The following GALNT13 variants were observed in gnomAD, a reference collection of about 807,000 sequenced individuals.
The protein encoded by GALNT13 is polypeptide N-acetylgalactosaminyltransferase 13.
In GALNT13, 28 loss-of-function variants were observed where a neutral mutation model predicts 64.2. The ratio of observed to expected loss-of-function variants is 0.44; its 90% CI spans 0.32 to 0.60. GALNT13 has a LOEUF of 0.60. Ranked by LOEUF, GALNT13 falls within the 20% of genes least tolerant of loss-of-function variation. The pLI is 0.05. For synonymous variants in GALNT13, 214 were observed against 224.6 expected (o/e 0.95, Z 0.42); for missense variants, 577 against 669.8 (o/e 0.86, Z 1.53).
intron 8 of GALNT13, among the ~76,000 whole-genome samples, chr2:154,271,298 T>G (rs1370087511): frequency 6.6e-6 from 1 of 152,018 alleles, no homozygotes; most frequent in East Asian, 1.9e-4. Context: ...TGGCCATTAC[T>G]GGCTGCAATG....
At chr2:154,205,116 T>C (rs772025390) in intron 4 of GALNT13, among the ~76,000 whole-genome samples, 8 of 152,140 alleles carry the variant, frequency 5.3e-5, no homozygotes, top group Non-Finnish European at 1.2e-4. Context: ...TTCATCTGAG[T>C]GTTCCCTTGA....
chr2:153,157,511 C>T, the GALNT13 span, among the ~76,000 whole-genome samples: 20 of 151,992 alleles, frequency 1.3e-4, no homozygotes, highest in Admixed American at 2.0e-4. Context: ...TCAAGCTAAA[C>T]GTTACACAGC....
intron 3 of GALNT13, among the ~76,000 whole-genome samples, chr2:154,008,490 G>T (rs1010174489): frequency 6.6e-6 from 1 of 152,020 alleles, no homozygotes; most frequent in Non-Finnish European, 1.5e-5. Context: ...TAGGTAAATT[G>T]TGTGTTATGG....
At chr2:153,631,400 T>A in the GALNT13 span, among the ~76,000 whole-genome samples, 3 of 152,214 alleles carry the variant, frequency 2.0e-5, no homozygotes, top group Non-Finnish European at 2.9e-5. Context: ...TCCTCCACAA[T>A]GGTTGAACTA....
chr2:153,717,336 A>G, the GALNT13 span, among the ~76,000 whole-genome samples: 1 of 152,186 alleles, frequency 6.6e-6, no homozygotes, highest in African/African-American at 2.4e-5. Flanking sequence ...TTTTTAGACA[A>G]TAAGTGAAGC....
intron 2 of GALNT13, among the ~76,000 whole-genome samples, chr2:153,921,885 T>C (rs1019715610): frequency 6.6e-6 from 1 of 151,962 alleles, no homozygotes; most frequent in East Asian, 1.9e-4. Context: ...GAAAAAAGAC[T>C]ATGGATGGCA....
chr2:153,235,872 C>G, the GALNT13 span, among the ~76,000 whole-genome samples: 1 of 152,128 alleles, frequency 6.6e-6, no homozygotes, highest in Non-Finnish European at 1.5e-5. Context: ...AATGATTAAA[C>G]TTAATGAAAA....
chr2:153,868,691 C>T (rs1574006390), upstream of GALNT13, among the ~76,000 whole-genome samples: 1 of 152,178 alleles, frequency 6.6e-6, no homozygotes, highest in East Asian at 1.9e-4. Context: ...ATATCCCTGT[C>T]TTTTGTATAC....
the GALNT13 span, among the ~76,000 whole-genome samples, chr2:153,368,987 A>G: frequency 9.9e-5 from 15 of 152,118 alleles, no homozygotes; most frequent in African/African-American, 3.6e-4. Context: ...TTGGGCCATA[A>G]CAGAATTAAA....
chr2:154,135,983 A>G (rs773206978), intron 3 of GALNT13, among the ~76,000 whole-genome samples: 10 of 152,162 alleles, frequency 6.6e-5, no homozygotes, highest in Non-Finnish European at 1.2e-4. Context: ...TGGTTTTCTT[A>G]TCTTCTGAGT....
chr2:154,285,616 A>G (rs1304260493), intron 8 of GALNT13, among the ~76,000 whole-genome samples: 2 of 152,028 alleles, frequency 1.3e-5, no homozygotes, highest in Non-Finnish European at 2.9e-5. Flanking sequence ...TTGATTTATA[A>G]TAGCTTTATA....
the GALNT13 span, among the ~76,000 whole-genome samples, chr2:153,757,757 A>G: frequency 2.6e-5 from 4 of 152,190 alleles, no homozygotes; most frequent in South Asian, 4.1e-4. Context: ...TTTTAAATGT[A>G]TCTGTCGGCC....
the GALNT13 span, among the ~76,000 whole-genome samples, chr2:153,533,432 A>G: frequency 6.6e-6 from 1 of 151,930 alleles, no homozygotes; most frequent in African/African-American, 2.4e-5. Context: ...TTGTATTTTT[A>G]GTAGAGACAG....
intron 11 of GALNT13, among the ~76,000 whole-genome samples, chr2:154,428,761 T>C (rs1481578504): frequency 1.3e-5 from 2 of 151,712 alleles, no homozygotes; most frequent in Non-Finnish European, 2.9e-5. Flanking sequence ...TCTGTTGTGA[T>C]GATCTATGAT....
At chr2:153,561,203 A>G in the GALNT13 span, among the ~76,000 whole-genome samples, 3 of 151,490 alleles carry the variant, frequency 2.0e-5, no homozygotes, top group Non-Finnish European at 4.4e-5. Flanking sequence ...CAGTTATAAT[A>G]TCTCTGCATA....
At chr2:153,613,244 T>C in the GALNT13 span, among the ~76,000 whole-genome samples, 3 of 152,160 alleles carry the variant, frequency 2.0e-5, no homozygotes, top group Non-Finnish European at 2.9e-5. Context: ...TTCTAAAGCA[T>C]TTTGAGGGCA....
the GALNT13 span, among the ~76,000 whole-genome samples, chr2:153,325,617 T>C: frequency 1.3e-5 from 2 of 152,252 alleles, no homozygotes; most frequent in South Asian, 4.1e-4. Flanking sequence ...CTTTCCCACT[T>C]TCTCCTGTGG....
At chr2:154,426,435 A>G (rs865939055) in intron 11 of GALNT13, among the ~76,000 whole-genome samples, 2 of 152,298 alleles carry the variant, frequency 1.3e-5, no homozygotes, top group South Asian at 4.1e-4. Flanking sequence ...CTTGCACTTA[A>G]GGGAAGGAGG....
At chr2:153,659,661 T>C in the GALNT13 span, among the ~76,000 whole-genome samples, 34 of 152,278 alleles carry the variant, frequency 2.2e-4, no homozygotes, top group African/African-American at 7.9e-4. Flanking sequence ...TTCAAACTTA[T>C]TCATTCAAAT....
Sources: allele counts gnomAD v4.1 joint callset (sites outside exome capture counted in the v4.1 genomes callset), GRCh38; gene constraint gnomAD v4.1.1; transcripts MANE v1.5; gene names NCBI Gene and HGNC (gene_info 2026-07-23, HGNC 2026-07-21).